The following HKDC1 variants were observed in gnomAD, a reference collection of about 807,000 sequenced individuals.
The protein encoded by HKDC1 is hexokinase HKDC1.
A neutral mutation model predicts 96.6 loss-of-function variants in HKDC1; 66 were observed. The ratio of observed to expected loss-of-function variants is 0.68; its 90% CI spans 0.56 to 0.84. The LOEUF (loss-of-function observed/expected upper bound fraction) is 0.84. Ranked by LOEUF, HKDC1 falls within the 40% of genes least tolerant of loss-of-function variation. The probability of loss-of-function intolerance (pLI) is 0.00; values close to 1 mark genes in which losing one functional copy is unlikely to be tolerated. For synonymous variants in HKDC1, 466 were observed against 473.1 expected (o/e 0.98, Z 0.20); for missense variants, 1,211 against 1,208.1 (o/e 1.00, Z -0.04).
At position 69,265,670 on chromosome 10, in the gene HKDC1, G is replaced by A; in HGVS notation, c.2458G>A (p.Glu820Lys). 6.2e-7 allele frequency: 1 copy of A among 1,614,092 alleles called. No individual in the cohort carries two copies. Among genetic ancestry groups the A allele is most frequent in the Non-Finnish European group, 8.5e-7 (1 of 1,179,988 alleles). ...GTGTGAGGACAGCATCGTGGTGAAG[G>A]AGGTGTGCGGAGCCGTGTCCCGGCG... ...STCEDSIVVKEVCGAVSRRAA... is the reference protein window; with the variant it reads ...STCEDSIVVKKVCGAVSRRAA... Residue 820 changes from glutamate to lysine, a missense_variant, in exon 17 of 18, where the codon GAG (glutamate) becomes AAG (lysine). Transcript: ENST00000354624.
intron 4 of HKDC1, among the ~76,000 whole-genome samples, chr10:69,234,358 C>G (rs1843328565): frequency 6.6e-6 from 1 of 152,206 alleles, no homozygotes; most frequent in Non-Finnish European, 1.5e-5. Flanking sequence ...AATTGTGTCC[C>G]CTTGGACCAG....
rs374614779 is a variant in HKDC1, at chr10:69,226,250, G to A, written c.64-957G>A. ...CCTTTGGGTATGGTCCTCTGTCCCC[G>A]TTTCCTGGTTACATGAGTGACATCC... On this transcript the variant is annotated intron_variant, in intron 1 of 17. Coordinates refer to ENST00000354624, the MANE Select transcript of HKDC1 (RefSeq NM_025130.4). Among the ~76,000 whole-genome samples, 29 of 152,218 alleles carry A rather than the reference G, an allele frequency of 1.9e-4. No homozygotes were observed. In the South Asian group the frequency reaches 5.2e-3, roughly 27 times the overall value.
chr10:69,220,746 T>C (rs1400321928), intron 1 of HKDC1, among the ~76,000 whole-genome samples: 1 of 151,860 alleles, frequency 6.6e-6, no homozygotes, highest in African/African-American at 2.4e-5. Context: ...CGGAAGCGGG[T>C]GAGGAGGGTG....
intron 16 of HKDC1, among the ~76,000 whole-genome samples, chr10:69,264,830 A>G (rs1843866379): frequency 6.6e-6 from 1 of 152,136 alleles, no homozygotes; most frequent in Non-Finnish European, 1.5e-5. Flanking sequence ...ACAACTTCAC[A>G]TTGCTTGGTG....
At position 69,266,589 on chromosome 10, in the gene HKDC1, GTTTC is replaced by G. The variant is rs1162978673; in HGVS notation, c.2607-15_2607-12del. On this transcript the variant is annotated splice_polypyrimidine_tract_variant and intron_variant, in intron 17 of 17. Coordinates refer to ENST00000354624, the MANE Select transcript of HKDC1 (RefSeq NM_025130.4). ...GATTCTACATGGAAGGGCTGATGAT[GTTTC>G]TTTCTCTTTTTCATAGCTTTTCTAG... is the stretch of plus-strand genomic sequence containing the variant. The G allele has an allele frequency of 5.0e-6, 8 of 1,612,190 alleles. No homozygotes were observed. The South Asian group carries it at 6.6e-5, about 13-fold the overall frequency.
intron 15 of HKDC1, among the ~76,000 whole-genome samples, chr10:69,260,184 G>C (rs1843784372): frequency 1.3e-5 from 2 of 152,212 alleles, no homozygotes; most frequent in Non-Finnish European, 2.9e-5. Flanking sequence ...TTAGGCCATG[G>C]ACACCTTGGG....
intron 4 of HKDC1, among the ~76,000 whole-genome samples, chr10:69,237,656 G>A (rs752252097): frequency 6.6e-6 from 1 of 152,172 alleles, no homozygotes; most frequent in Non-Finnish European, 1.5e-5. Context: ...CTGCAACAGG[G>A]ATTTTTGAAG....
intron 2 of HKDC1, among the ~76,000 whole-genome samples, chr10:69,228,903 A>G (rs1357900333): frequency 6.7e-5 from 10 of 149,886 alleles, no homozygotes; most frequent in Admixed American, 1.3e-4. Flanking sequence ...GAAAGAAAGA[A>G]AGAGAGAGAA....
rs1389691906 is a variant in HKDC1, at chr10:69,248,538, C to A, written c.1380C>A (p.Ala460=). 1 of 1,613,916 alleles carries A rather than the reference C, an allele frequency of 6.2e-7. No individual in the cohort carries two copies. The highest frequency in any genetic ancestry group is 8.5e-7 in the Non-Finnish European group (1 of 1,179,996). Residue 460 remains alanine (A), a synonymous_variant, in exon 10 of 18, where the codon GCC becomes GCA. Coordinates refer to ENST00000354624, the MANE Select transcript of HKDC1 (RefSeq NM_025130.4). ...TKGAAMVTAV[A]SRVQAQRKQI... The stretch of plus-strand genomic sequence containing the variant: ...GGGCCGCCATGGTGACCGCGGTGGC[C>A]TCCCGCGTGCAGGCCCAGCGGAAGC...
chr10:69,250,825 G>A (rs1233024860), intron 12 of HKDC1, among the ~76,000 whole-genome samples, 173 bp downstream of exon 12: 3 of 152,108 alleles, frequency 2.0e-5, no homozygotes, highest in Non-Finnish European at 4.4e-5. Flanking sequence ...AATTTATCAC[G>A]ATTTTTTAGA....
Position 69,220,370 on chromosome 10 carries a change from G to C in HKDC1, c.-66G>C. On this transcript the variant is annotated 5_prime_UTR_variant, in exon 1 of 18. Transcript: ENST00000354624. ...TGGACTGGAAGCGTGCAACACTCCA[G>C]AGTCGTAGGAGTGAACACTGCACAG... 7.9e-7 allele frequency: 1 copy of C among 1,269,322 alleles called. No homozygotes were observed. Among genetic ancestry groups the C allele is most frequent in the South Asian group, 1.5e-5 (1 of 66,390 alleles). 78.6% of individuals were successfully genotyped at this position (1,269,322 alleles called of 1,614,324 possible). A position where few individuals can be genotyped will look rare whatever the true frequency, so the allele number is the denominator to read the frequency against.
At position 69,248,494 on chromosome 10, in the gene HKDC1, G is replaced by C. The variant is rs61756700; in HGVS notation, c.1336G>C (p.Glu446Gln). The C allele has an allele frequency of 5.3e-5, 86 of 1,610,374 alleles. 1 individual carries two copies. In the African/African-American group the frequency reaches 1.1e-3, roughly 20 times the overall value. ...PSCDVRFLLSESGSTKGAAMV... is the reference protein window; with the variant it reads ...PSCDVRFLLSQSGSTKGAAMV... ...CTGTGATGTCCGCTTCCTCCTGTCA[G>C]AGAGTGGCAGCACCAAGGGGGCCGC... The change falls in exon 10 of 18, where the codon GAG becomes CAG. Residue 446 changes from glutamate to glutamine, a missense_variant. Coordinates refer to ENST00000354624, the MANE Select transcript of HKDC1 (RefSeq NM_025130.4).
chr10:69,226,818 C>T (rs183699512), intron 1 of HKDC1, among the ~76,000 whole-genome samples: 55 of 152,308 alleles, frequency 3.6e-4, no homozygotes, highest in Middle Eastern at 3.4e-3. Context: ...TAGAAATCTA[C>T]GATTCAAGCT....
chr10:69,230,306 C>T (rs1843233018), intron 2 of HKDC1, among the ~76,000 whole-genome samples: 1 of 152,226 alleles, frequency 6.6e-6, no homozygotes, highest in Non-Finnish European at 1.5e-5. Context: ...TCCAGTCAGC[C>T]TCCAAGGCCA....
At chr10:69,264,088 G>A (rs1231606948) in intron 16 of HKDC1, among the ~76,000 whole-genome samples, 1 of 152,122 alleles carries the variant, frequency 6.6e-6, no homozygotes, top group African/African-American at 2.4e-5. Context: ...AACCCAGGAA[G>A]CGGGTGAGCC....
intron 4 of HKDC1, among the ~76,000 whole-genome samples, chr10:69,234,416 T>G (rs1843329560): frequency 6.6e-6 from 1 of 152,234 alleles, no homozygotes; most frequent in Non-Finnish European, 1.5e-5. Flanking sequence ...AAAATTTTAT[T>G]TATTTTTATT....
intron 1 of HKDC1, among the ~76,000 whole-genome samples, chr10:69,226,158 G>A (rs79442590): frequency 0.067 from 10,237 of 152,142 alleles, 1,094 homozygotes; most frequent in African/African-American, 0.22. Flanking sequence ...CTTTGCTGCC[G>A]TCCCTGATGT....
intron 7 of HKDC1, among the ~76,000 whole-genome samples, chr10:69,245,852 A>G (rs1416516262): frequency 6.6e-6 from 1 of 152,184 alleles, no homozygotes; most frequent in Non-Finnish European, 1.5e-5. Flanking sequence ...GAAAATACCC[A>G]AAGTCTGTGA....
At chr10:69,248,807 G>A in intron 10 of HKDC1, 79 bp downstream of exon 10, 1 of 1,374,208 alleles carries the variant, frequency 7.3e-7, no homozygotes, top group Non-Finnish European at 9.7e-7. Context: ...GAGGTTCTTG[G>A]TTTTTAGAAA....
Sources: allele counts gnomAD v4.1 joint callset (sites outside exome capture counted in the v4.1 genomes callset), GRCh38; gene constraint gnomAD v4.1.1; transcripts MANE v1.5; gene names NCBI Gene and HGNC (gene_info 2026-07-23, HGNC 2026-07-21).